Variants in MCM7 observed in about 807,000 individuals in gnomAD.
MCM7 encodes DNA replication licensing factor MCM7.
In MCM7, 95 loss-of-function variants were observed where a neutral mutation model predicts 83.5. The ratio of observed to expected loss-of-function variants is 1.14; its 90% confidence interval spans 0.96 to 1.35. MCM7 has a LOEUF of 1.35. Among genes scored for constraint, MCM7 ranks in the 40% most tolerant of loss-of-function variants. The pLI is 0.00. For synonymous variants in MCM7, 461 were observed against 352.7 expected (o/e 1.31, Z -3.44); for missense variants, 1,087 against 957.4 (o/e 1.14, Z -1.79).
chr7:100,100,188 AAT>A (rs1448312693), intron 1 of MCM7, 95 bp from the exon 2 acceptor site: 3 of 1,508,522 alleles, frequency 2.0e-6, no homozygotes, highest in Middle Eastern at 1.8e-4. Context: ...ACTAATTAAT[AAT>A]ATGAGCATTT....
rs1200284211 is a variant in MCM7 at position 100,099,415 on chromosome 7, GAACA to G, written c.277-16_277-13del. The G allele has an allele frequency of 1.5e-5, 13 of 839,518 alleles. No homozygotes were observed. In the African/African-American group the frequency reaches 3.4e-4, roughly 22 times the overall value. 52.0% of individuals were successfully genotyped at this position (839,518 alleles called of 1,614,324 possible). A position where few individuals can be genotyped will look rare whatever the true frequency, so the allele number is the denominator to read the frequency against. ...TCTTTATTTACCACCTAAAGGAGAA[GAACA>G]AAAAAAAAAAAAAAAAAGAGCAACA... On this transcript the variant is annotated splice_polypyrimidine_tract_variant and intron_variant, in intron 3 of 14. Coordinates refer to ENST00000303887, the MANE Select transcript of MCM7 (RefSeq NM_005916.5).
Position 100,093,114 on chromosome 7 carries a change from C to T in MCM7, c.1978G>A (p.Val660Met). 1.2e-6 allele frequency: 2 copies of T among 1,614,064 alleles called. No homozygotes were observed. Among genetic ancestry groups the T allele is most frequent in the African/African-American group, 1.3e-5 (1 of 75,058 alleles). Residue 660 changes from valine to methionine, a missense_variant, in exon 15 of 15, where the codon GTG becomes ATG. Coordinates refer to ENST00000303887, the MANE Select transcript of MCM7 (RefSeq NM_005916.5). ...AGTTCACGGACGGTGGCAAATATCA[C>T]ATCTGCTGGTCTCTGAGTCCTGAAG... ...QTARTQRPAD[V>M]IFATVRELVS... is the part of the protein sequence containing the mutation.
At chr7:100,096,320 A>G (rs74694934) in intron 10 of MCM7, among the ~76,000 whole-genome samples, 153 bp from the exon 11 acceptor site, 1,695 of 152,210 alleles carry the variant, frequency 0.011, 23 homozygotes, top group African/African-American at 0.039. Context: ...TCTGTGGGGC[A>G]CTGGCAATGT....
chr7:100,099,685 G>A lies in MCM7; in HGVS notation c.180C>T (p.Pro60=). Residue 60 remains proline (P), a synonymous_variant, in exon 3 of 15, where the codon CCC becomes CCT. Coordinates refer to ENST00000303887, the MANE Select transcript of MCM7 (RefSeq NM_005916.5). ...TCTCACAAATTGAGTCCACCAACTC[G>A]GGGTCATCCTCGGCTACGTCGTCCA... ...VDLDDVAEDD[P]ELVDSICENA... 2 of 1,614,206 alleles carry A rather than the reference G, an allele frequency of 1.2e-6. No homozygotes were observed. The highest frequency in any genetic ancestry group is 1.7e-6 in the Non-Finnish European group (2 of 1,180,038).
chr7:100,098,136 C>T lies in MCM7; in HGVS notation c.870+5G>A, dbSNP rs1795744261. Reference sequence around the variant, plus strand: ...ATCCATTCCTCATGTCAAACTCTTCCTTACCTGTACCACCTGTCGGAACCC... The same window carrying T: ...ATCCATTCCTCATGTCAAACTCTTCTTTACCTGTACCACCTGTCGGAACCC... On this transcript the variant is annotated splice_donor_5th_base_variant and intron_variant, in intron 7 of 14. Coordinates refer to ENST00000303887, the MANE Select transcript of MCM7 (RefSeq NM_005916.5). 1 of 1,613,778 alleles carries T rather than the reference C, an allele frequency of 6.2e-7. No homozygotes were observed. Among genetic ancestry groups the T allele is most frequent in the South Asian group, 1.1e-5 (1 of 91,066 alleles).
At chr7:100,098,420 C>G (rs749659142) in intron 6 of MCM7, 130 bp from the exon 7 acceptor site, 3 of 1,478,066 alleles carry the variant, frequency 2.0e-6, no homozygotes, top group Non-Finnish European at 2.8e-6. Flanking sequence ...GTGCTGAGAC[C>G]TCCTTTCCCC....
At chr7:100,099,461 GCA>G (rs1205670349) in intron 3 of MCM7, 58 bp from the exon 4 acceptor site, 4 of 1,586,910 alleles carry the variant, frequency 2.5e-6, no homozygotes, top group South Asian at 1.1e-5. Context: ...GGAAAGGAGA[GCA>G]CAGAGAACAC....
At position 100,093,122 on chromosome 7, in the gene MCM7, G is replaced by A. The variant is rs200258703; in HGVS notation, c.1970C>T (p.Pro657Leu). The change falls in exon 15 of 15, where the codon CCA becomes CTA. Residue 657 changes from proline to leucine, a missense_variant. Pro to Leu is a moderately conservative substitution (Grantham distance 98, BLOSUM62 -3). Coordinates refer to ENST00000303887, the MANE Select transcript of MCM7 (RefSeq NM_005916.5). Reference sequence around the variant, plus strand: ...GACGGTGGCAAATATCACATCTGCTGGTCTCTGAGTCCTGAAGGAAATGAG... The same window carrying A: ...GACGGTGGCAAATATCACATCTGCTAGTCTCTGAGTCCTGAAGGAAATGAG... ...DKGQTARTQRPADVIFATVRE... is the reference protein window; with the variant it reads ...DKGQTARTQRLADVIFATVRE... 49 of 1,613,756 alleles carry A rather than the reference G, an allele frequency of 3.0e-5. No individual in the cohort carries two copies. Among genetic ancestry groups the A allele is most frequent in the Non-Finnish European group, 3.9e-5 (46 of 1,179,882 alleles).
chr7:100,093,735 A>T, intron 13 of MCM7: 1 of 636,886 alleles, frequency 1.6e-6, no homozygotes, highest in East Asian at 3.5e-5. Context: ...TGGGGAGCTC[A>T]GCCAAGAAGA....
At chr7:100,100,789 G>A in intron 1 of MCM7, 1 of 993,986 alleles carries the variant, frequency 1.0e-6, no homozygotes, top group Non-Finnish European at 1.2e-6. Context: ...CTTCCGCCCG[G>A]CTCCACTTCC....
At position 100,099,116 on chromosome 7, in the gene MCM7, C is replaced by T. The variant is rs750467448; in HGVS notation, c.489G>A (p.Val163=). Residue 163 remains valine, a synonymous_variant, in exon 5 of 15, where the codon GTG becomes GTA. Coordinates refer to ENST00000303887, the MANE Select transcript of MCM7 (RefSeq NM_005916.5). ...CAGAGACACGAGTGACGATTCCACG[C>T]ACAGTTACCAACTTCCCCACAGAGT... ...RADSVGKLVT[V]RGIVTRVSEV... The T allele has an allele frequency of 1.2e-6, 2 of 1,614,134 alleles. No individual in the cohort carries two copies. The highest frequency in any genetic ancestry group is 1.3e-5 in the African/African-American group (1 of 75,022).
At chr7:100,093,626 C>T (rs776497759) in intron 13 of MCM7, 8 of 755,772 alleles carry the variant, frequency 1.1e-5, no homozygotes, top group East Asian at 2.5e-5. Context: ...CCCAAGTCTC[C>T]GCCTCTCAAC....
chr7:100,094,348 G>A lies in MCM7; in HGVS notation c.1680-7C>T, dbSNP rs1795504957. ...GCACATGGCTATGTAACGCCTGTGG[G>A]GGAAGGTTCATGGGGAAGCAGAAGA... On this transcript the variant is annotated splice_polypyrimidine_tract_variant and splice_region_variant and intron_variant, in intron 12 of 14. Transcript: ENST00000303887. 1 of 1,613,750 alleles carries A rather than the reference G, an allele frequency of 6.2e-7. No individual in the cohort carries two copies. Among genetic ancestry groups the A allele is most frequent in the African/African-American group, 1.3e-5 (1 of 74,924 alleles).
intron 1 of MCM7, chr7:100,100,775 G>GCCACTTCCGCCCGGCT (rs915057853): frequency 3.0e-6 from 3 of 991,902 alleles, no homozygotes; most frequent in Non-Finnish European, 3.6e-6. Context: ...GCCTCCTCGC[G>GCCACTTCCGCCCGGCT]CCACTTCCGC....
chr7:100,095,275 G>C, intron 12 of MCM7, 112 bp downstream of exon 12: 1 of 891,552 alleles, frequency 1.1e-6, no homozygotes, highest in Non-Finnish European at 1.8e-6. Context: ...GGACATGTCT[G>C]TAGCGGGAAG....
intron 7 of MCM7, 73 bp from the exon 8 acceptor site, chr7:100,098,021 C>A (rs929681237): frequency 1.8e-5 from 28 of 1,582,694 alleles, no homozygotes; most frequent in Admixed American, 6.8e-5. Flanking sequence ...CTAACAATTT[C>A]TTGACAAATC....
In MCM7 at chr7:100,097,819, T is replaced by C. The variant is rs368439022; in HGVS notation, c.985+15A>G. 3.5e-5 allele frequency: 56 copies of C among 1,613,886 alleles called. No homozygotes were observed. Among genetic ancestry groups the C allele is most frequent in the East Asian group, 1.3e-4 (6 of 44,892 alleles). The stretch of plus-strand genomic sequence containing the variant: ...GGATGTAAACGGAATTTCCTCTCTC[T>C]CCCCTGCCCCTCACCTGCAATTTGC... On this transcript the variant is annotated intron_variant, in intron 8 of 14. Transcript: ENST00000303887.
chr7:100,092,866 C>A lies in MCM7; in HGVS notation c.*66G>T. The A allele has an allele frequency of 1.9e-6, 3 of 1,563,950 alleles. No individual in the cohort carries two copies. Among genetic ancestry groups the A allele is most frequent in the Non-Finnish European group, 8.8e-7 (1 of 1,135,204 alleles). Reference sequence around the variant, plus strand: ...CTCCTCCTTCCCCTCAAAGGCATCACTGCCCCTTCCCAAGGGGCAGGCCAG... The same window carrying A: ...CTCCTCCTTCCCCTCAAAGGCATCAATGCCCCTTCCCAAGGGGCAGGCCAG... On this transcript the variant is annotated 3_prime_UTR_variant, in exon 15 of 15. Coordinates refer to ENST00000303887, the MANE Select transcript of MCM7 (RefSeq NM_005916.5).
At chr7:100,100,711 G>A in intron 1 of MCM7, 3 of 989,380 alleles carry the variant, frequency 3.0e-6, no homozygotes, top group Non-Finnish European at 3.6e-6. Flanking sequence ...CCGGGCCGCA[G>A]CTCTCTCCGC....
Sources: gnomAD v4.1 joint callset for allele counts (sites outside exome capture counted in the v4.1 genomes callset) on GRCh38, gnomAD v4.1.1 for gene constraint, MANE v1.5 for transcripts, NCBI Gene and HGNC (gene_info 2026-07-23, HGNC 2026-07-21) for gene names.